Variants in PCNX2 observed in about 807,000 individuals in gnomAD.
The protein encoded by PCNX2 is pecanex 2.
PCNX2 carries 168 observed loss-of-function variants against 223.8 expected under a neutral mutation model. The ratio of observed to expected loss-of-function variants is 0.75; its 90% CI spans 0.66 to 0.85. The LOEUF (loss-of-function observed/expected upper bound fraction) is 0.85. Ranked by LOEUF, PCNX2 falls within the 40% of genes least tolerant of loss-of-function variation. PCNX2 has a pLI of 0.00. For missense variants in PCNX2, 2,507 were observed against 2,675.5 expected, an observed-to-expected ratio of 0.94 and a Z score of 1.39; for synonymous variants, 1,006 against 1,052.6, an observed-to-expected ratio of 0.96 and a Z score of 0.86.
At chr1:233,227,663 CTCAT>C (rs1329823461) in intron 9 of PCNX2, among the ~76,000 whole-genome samples, 1 of 152,108 alleles carries the variant, frequency 6.6e-6, no homozygotes. Flanking sequence ...AATGCTACTG[CTCAT>C]TAAGGCCAAG....
At chr1:233,013,694 C>T (rs1306092504) in intron 28 of PCNX2, among the ~76,000 whole-genome samples, 2 of 152,200 alleles carry the variant, frequency 1.3e-5, no homozygotes, top group Admixed American at 1.3e-4. Flanking sequence ...CCCAGACGGG[C>T]AGAGGCTAAG....
At chr1:233,325,310 C>T in the PCNX2 span, among the ~76,000 whole-genome samples, 1 of 151,986 alleles carries the variant, frequency 6.6e-6, no homozygotes, top group South Asian at 2.1e-4. Context: ...TTCACGACTT[C>T]AGAGGAGAAA....
intron 21 of PCNX2, among the ~76,000 whole-genome samples, chr1:233,099,255 G>A (rs1033596604): frequency 6.6e-6 from 1 of 152,212 alleles, no homozygotes; most frequent in East Asian, 1.9e-4. Context: ...AGCAGCTACA[G>A]AAAGGTCCCC....
At chr1:233,069,009 T>C (rs143200863) in intron 23 of PCNX2, among the ~76,000 whole-genome samples, 229 of 151,718 alleles carry the variant, frequency 1.5e-3, no homozygotes, top group Middle Eastern at 3.4e-3. Flanking sequence ...CAACTGAAAA[T>C]AAAAAATGAA....
At position 233,000,588 on chromosome 1, in the gene PCNX2, C is replaced by T. The variant is rs1670048744; in HGVS notation, c.5098-53G>A. ...TGGGCAAGGACCAGAGGAACTCACC[C>T]CCAGGAAGCATGCAGATGGCAACTG... is the stretch of plus-strand genomic sequence containing the variant. On this transcript the variant is annotated intron_variant, in intron 29 of 33. Coordinates refer to ENST00000258229, the MANE Select transcript of PCNX2 (RefSeq NM_014801.4). The surrounding 1 kb of genome is among the most constrained non-coding windows in gnomAD (Gnocchi z 4.6). 6.1e-6 allele frequency: 9 copies of T among 1,472,338 alleles called. No homozygotes were observed. In the Admixed American group the frequency reaches 1.2e-4, roughly 20 times the overall value. The allele number at this position is 1,472,338 out of a possible 1,614,324, so 91.2% of individuals were successfully genotyped here.
rs1379175476 is a variant in PCNX2 at position 233,160,277 on chromosome 1, A to C, written c.3517+6T>G. ...TTTTTTTTTAAATGAGGGATATATT[A>C]CTAACCTCTCACTTCCCGTTGATGA... On this transcript the variant is annotated splice_donor_region_variant and intron_variant, in intron 19 of 33. Coordinates refer to ENST00000258229, the MANE Select transcript of PCNX2 (RefSeq NM_014801.4). 3 of 1,607,886 alleles carry C rather than the reference A, an allele frequency of 1.9e-6. No homozygotes were observed. The highest frequency in any genetic ancestry group is 1.7e-5 in the Admixed American group (1 of 59,420).
chr1:233,062,102 G>C (rs1018694746), intron 23 of PCNX2, among the ~76,000 whole-genome samples: 2 of 152,038 alleles, frequency 1.3e-5, no homozygotes, highest in African/African-American at 2.4e-5. Context: ...TGCCCTCACT[G>C]GGGAAAATTG....
intron 5 of PCNX2, among the ~76,000 whole-genome samples, 191 bp downstream of exon 5, chr1:233,257,837 A>G (rs1166994073): frequency 6.6e-6 from 1 of 152,230 alleles, no homozygotes; most frequent in East Asian, 1.9e-4. Flanking sequence ...GAGTAGGACA[A>G]TATATGTATA....
chr1:233,253,008 G>C lies in PCNX2; in HGVS notation c.1835-220C>G, dbSNP rs1459799669. 1.3e-5 allele frequency among the ~76,000 whole-genome samples: 2 copies of C among 151,990 alleles called. No individual in the cohort carries two copies. Among genetic ancestry groups the C allele is most frequent in the Non-Finnish European group, 2.9e-5 (2 of 68,016 alleles). On this transcript the variant is annotated intron_variant, in intron 5 of 33. Coordinates refer to ENST00000258229, the MANE Select transcript of PCNX2 (RefSeq NM_014801.4). This position sits in a 1 kb window ranked among gnomAD's most constrained non-coding sequence, Gnocchi z 4.2. ...GTATAAGTTTGAGACATGTTATTTA[G>C]GTGTCTACAAACACCTACTATTTTA...
At chr1:233,066,252 C>T (rs922427928) in intron 23 of PCNX2, among the ~76,000 whole-genome samples, 5 of 152,222 alleles carry the variant, frequency 3.3e-5, no homozygotes, top group Non-Finnish European at 5.9e-5. Flanking sequence ...AAAGCACTGT[C>T]ACACATCTCT....
intron 19 of PCNX2, among the ~76,000 whole-genome samples, chr1:233,151,782 C>T (rs1425384071): frequency 1.3e-5 from 2 of 152,204 alleles, no homozygotes; most frequent in Non-Finnish European, 1.5e-5. Flanking sequence ...TCAAGTGATT[C>T]TCCTGCCTCA....
At chr1:233,195,370 T>C (rs1250635291) in intron 15 of PCNX2, among the ~76,000 whole-genome samples, 1 of 152,174 alleles carries the variant, frequency 6.6e-6, no homozygotes, top group Admixed American at 6.5e-5. Context: ...TACTTAATGG[T>C]GAAAGACTTT....
intron 19 of PCNX2, among the ~76,000 whole-genome samples, chr1:233,143,987 C>A (rs183373970): frequency 4.6e-5 from 7 of 151,980 alleles, no homozygotes; most frequent in African/African-American, 1.7e-4. Flanking sequence ...ATACCCCAAG[C>A]CTGGGCAATA....
intron 21 of PCNX2, among the ~76,000 whole-genome samples, chr1:233,123,085 G>C (rs1024650821): frequency 6.6e-6 from 1 of 152,152 alleles, no homozygotes; most frequent in Admixed American, 6.5e-5. Context: ...ATCAGAGAAA[G>C]GACGTTAGAC....
chr1:233,216,913 A>G (rs1020627241), intron 12 of PCNX2, among the ~76,000 whole-genome samples: 1 of 152,198 alleles, frequency 6.6e-6, no homozygotes, highest in Non-Finnish European at 1.5e-5. Context: ...TTGCAACAAC[A>G]CTGATGAATC....
intron 17 of PCNX2, among the ~76,000 whole-genome samples, chr1:233,172,980 C>A (rs929155934): frequency 8.5e-5 from 13 of 152,240 alleles, no homozygotes; most frequent in African/African-American, 2.6e-4. Context: ...ATTCATTTTT[C>A]TTTCCCACTG....
Position 233,283,695 on chromosome 1 carries a change from A to G in PCNX2, c.153+11631T>C, listed in dbSNP as rs188885081. Among the ~76,000 whole-genome samples the G allele has an allele frequency of 7.1e-3, 1,071 of 151,680 alleles. 3 individuals carry two copies. Among genetic ancestry groups the G allele is most frequent in the African/African-American group, 0.013 (521 of 41,386 alleles). On this transcript the variant is annotated intron_variant, in intron 1 of 33. Coordinates refer to ENST00000258229, the MANE Select transcript of PCNX2 (RefSeq NM_014801.4). ...TGCAACAAAACTATGAGGACGGGGG[A>G]AAAAAAAACTCTTCTTTACAGAATA...
the PCNX2 span, among the ~76,000 whole-genome samples, chr1:233,320,095 T>A: frequency 2.6e-5 from 4 of 152,214 alleles, no homozygotes; most frequent in African/African-American, 9.6e-5. Context: ...CTCATAAAGA[T>A]ATGTATTTGC....
intron 23 of PCNX2, among the ~76,000 whole-genome samples, chr1:233,077,613 T>C (rs1372865862): frequency 1.3e-5 from 2 of 152,188 alleles, no homozygotes; most frequent in African/African-American, 4.8e-5. Flanking sequence ...CCTATGCCTC[T>C]CTCACAAAGT....
Sources: allele counts gnomAD v4.1 joint callset (sites outside exome capture counted in the v4.1 genomes callset), GRCh38; gene constraint gnomAD v4.1.1; non-coding constraint Gnocchi (gnomAD v3.1); transcripts MANE v1.5; gene names NCBI Gene and HGNC (gene_info 2026-07-23, HGNC 2026-07-21).